The following MEMO1 variants were observed in gnomAD, a reference collection of about 807,000 sequenced individuals.
MEMO1 encodes the protein protein MEMO1.
A neutral mutation model predicts 45.2 loss-of-function variants in MEMO1; 6 were observed. The ratio of observed to expected loss-of-function variants is 0.13; its 90% confidence interval spans 0.07 to 0.26. The LOEUF is 0.26. Ranked by LOEUF, MEMO1 falls within the 10% of genes least tolerant of loss-of-function variation. The pLI, the probability that MEMO1 is intolerant of heterozygous loss-of-function variation, is 1.00. For synonymous variants in MEMO1, 78 were observed against 124.3 expected, an observed-to-expected ratio of 0.63 and a Z score of 2.48; for missense variants, 184 against 370.5, an observed-to-expected ratio of 0.50 and a Z score of 4.13.
At chr2:32,010,077 GCCCTCTTC>G in intron 2 of MEMO1, 102 bp downstream of exon 2, 1 of 409,884 alleles carries the variant, frequency 2.4e-6, no homozygotes, top group Non-Finnish European at 3.3e-6. Flanking sequence ...GCCCGTCCGC[GCCCTCTTC>G]CCCGCCCGCC....
At chr2:32,001,229 C>T (rs993402779) in intron 2 of MEMO1, among the ~76,000 whole-genome samples, 1 of 151,418 alleles carries the variant, frequency 6.6e-6, no homozygotes, top group Non-Finnish European at 1.5e-5. Flanking sequence ...TTAGTAGAGA[C>T]GGGGTTTCAC....
intron 2 of MEMO1, among the ~76,000 whole-genome samples, chr2:31,981,587 G>A (rs985567638): frequency 6.6e-6 from 1 of 152,114 alleles, no homozygotes; most frequent in Non-Finnish European, 1.5e-5. Flanking sequence ...CAAGAACCAA[G>A]GGAGAAAAGC....
intron 3 of MEMO1, among the ~76,000 whole-genome samples, chr2:31,933,578 T>C (rs1664561585): frequency 6.6e-6 from 1 of 151,654 alleles, no homozygotes; most frequent in Non-Finnish European, 1.5e-5. Flanking sequence ...ACAACAAGGC[T>C]CTTTTTTAAA....
rs1317667382 is a variant in MEMO1, at chr2:31,999,800, G to C, written c.61+10387C>G. Among the ~76,000 whole-genome samples, 6 of 151,532 alleles carry C rather than the reference G, an allele frequency of 4.0e-5. No homozygotes were observed. The South Asian group carries it at 1.0e-3, about 26-fold the overall frequency. ...GGCCTGCTCTAGCCTCAGAACCTTT[G>C]AATTTGCTGTACCCTCTGCCTAAAA... On this transcript the variant is annotated intron_variant, in intron 2 of 9. Transcript: ENST00000404530.
chr2:31,898,105 TTTC>T (rs1161981513), intron 6 of MEMO1, among the ~76,000 whole-genome samples: 1 of 151,886 alleles, frequency 6.6e-6, no homozygotes, highest in Non-Finnish European at 1.5e-5. Context: ...TCTTCTCTCT[TTTC>T]TTCTTTATTA....
intron 2 of MEMO1, among the ~76,000 whole-genome samples, chr2:31,975,247 G>T (rs1669875875): frequency 6.6e-6 from 1 of 152,118 alleles, no homozygotes; most frequent in African/African-American, 2.4e-5. Context: ...TAATGTAAAA[G>T]AATTATTTAA....
At chr2:31,895,837 CTTTTTTTTTTT>C (rs71412853) in intron 6 of MEMO1, among the ~76,000 whole-genome samples, 102 of 84,742 alleles carry the variant, frequency 1.2e-3, no homozygotes, top group Non-Finnish European at 1.9e-3. Context: ...AGAAAAAAAT[CTTTTTTTTTTT>C]TTTTTTTTTT....
chr2:31,971,815 T>C (rs1437042474), intron 2 of MEMO1, among the ~76,000 whole-genome samples: 1 of 151,724 alleles, frequency 6.6e-6, no homozygotes, highest in Non-Finnish European at 1.5e-5. Context: ...ACTAAAAATA[T>C]AAAACTTAGC....
intron 2 of MEMO1, among the ~76,000 whole-genome samples, chr2:31,992,831 G>C (rs1672116260): frequency 6.6e-6 from 1 of 151,982 alleles, no homozygotes; most frequent in African/African-American, 2.4e-5. Context: ...AGCATTTATA[G>C]AGAATTAAAT....
intron 2 of MEMO1, among the ~76,000 whole-genome samples, chr2:31,985,922 A>G (rs577327789): frequency 6.6e-6 from 1 of 152,236 alleles, no homozygotes; most frequent in Admixed American, 6.5e-5. Flanking sequence ...TGAGGCCAGG[A>G]GTTCAAGACC....
chr2:31,982,186 A>C (rs1253314400), intron 2 of MEMO1, among the ~76,000 whole-genome samples: 5 of 151,688 alleles, frequency 3.3e-5, no homozygotes, highest in Non-Finnish European at 7.4e-5. Context: ...AATCCCAGCT[A>C]CTCGGGAGGC....
chr2:31,925,475 C>CAAAAAAAAAAAAAAAAAAAA (rs70964741), intron 4 of MEMO1, among the ~76,000 whole-genome samples: 1 of 79,236 alleles, frequency 1.3e-5, no homozygotes, highest in African/African-American at 7.0e-5. Flanking sequence ...GACTCCGTCT[C>CAAAAAAAAAAAAAAAAAAAA]AAAAAAAAAA....
intron 4 of MEMO1, chr2:31,923,818 A>G: frequency 6.9e-7 from 1 of 1,441,852 alleles, no homozygotes; most frequent in Non-Finnish European, 9.2e-7. Flanking sequence ...AAGTAAGTGT[A>G]ATAAGGTTCT....
chr2:31,962,800 A>C (rs1558536232), intron 2 of MEMO1, among the ~76,000 whole-genome samples: 1 of 152,202 alleles, frequency 6.6e-6, no homozygotes, highest in Non-Finnish European at 1.5e-5. Flanking sequence ...GTGTTGACTT[A>C]ACTGGACCAG....
chr2:31,906,300 G>GT lies in MEMO1; in HGVS notation c.437+11625dup, dbSNP rs566139722. Among the ~76,000 whole-genome samples, 998 of 148,622 alleles carry GT rather than the reference G, an allele frequency of 6.7e-3. 7 individuals carry two copies. The highest frequency in any genetic ancestry group is 0.022 in the Middle Eastern group (6 of 272). On this transcript the variant is annotated intron_variant, in intron 6 of 9. Coordinates refer to ENST00000404530, the MANE Select transcript of MEMO1 (RefSeq NM_001301833.4). ...GTGCTATTCTTTTGTTTTTGTTTTT[G>GT]TTTTTTTTGTTTGTTTGTTTGTTTT...
At chr2:31,980,197 T>A in intron 2 of MEMO1, among the ~76,000 whole-genome samples, 1 of 152,158 alleles carries the variant, frequency 6.6e-6, no homozygotes, top group East Asian at 1.9e-4. Flanking sequence ...TTTGAGGGGA[T>A]GAGGCAGGCG....
chr2:31,993,949 C>CTTTT lies in MEMO1; in HGVS notation c.61+16234_61+16237dup, dbSNP rs397800267. On this transcript the variant is annotated intron_variant, in intron 2 of 9. Coordinates refer to ENST00000404530, the MANE Select transcript of MEMO1 (RefSeq NM_001301833.4). ...AATACAGAAATATCATCAATACTTT[C>CTTTT]TTTTTTTTTTTTTTTTTTTTTTTTT... 4.0e-3 allele frequency among the ~76,000 whole-genome samples: 293 copies of CTTTT among 73,604 alleles called. 20 individuals are homozygous for CTTTT. The highest frequency in any genetic ancestry group is 6.1e-3 in the African/African-American group (125 of 20,514). 48.3% of individuals were successfully genotyped at this position (73,604 alleles called of 152,430 possible).
At chr2:31,911,403 C>A (rs1269512731) in intron 6 of MEMO1, among the ~76,000 whole-genome samples, 1 of 152,162 alleles carries the variant, frequency 6.6e-6, no homozygotes, top group Non-Finnish European at 1.5e-5. Context: ...AGGTGAAGCA[C>A]TGATTTTTAG....
At chr2:31,926,602 A>G (rs1683151185) in intron 4 of MEMO1, among the ~76,000 whole-genome samples, 1 of 152,148 alleles carries the variant, frequency 6.6e-6, no homozygotes, top group Admixed American at 6.5e-5. Context: ...TAATCCCAGC[A>G]CTTTGGGAGG....
Sources: allele counts gnomAD v4.1 joint callset (sites outside exome capture counted in the v4.1 genomes callset), GRCh38; gene constraint gnomAD v4.1.1; transcripts MANE v1.5; gene names NCBI Gene and HGNC (gene_info 2026-07-23, HGNC 2026-07-21).